The following TIAM1 variants were observed in gnomAD, a reference collection of about 807,000 sequenced individuals.
TIAM1 encodes the protein rho guanine nucleotide exchange factor TIAM1.
In TIAM1, 65 loss-of-function variants were observed where a neutral mutation model predicts 163.5. That is an observed-to-expected ratio of 0.40 (90% CI 0.33 to 0.49). The LOEUF (loss-of-function observed/expected upper bound fraction) is 0.49. Ranked by LOEUF, TIAM1 falls within the 20% of genes least tolerant of loss-of-function variation. TIAM1 has a pLI of 0.77. For missense variants in TIAM1, 1,789 were observed against 2,044.7 expected, an observed-to-expected ratio of 0.87 and a Z score of 2.41; for synonymous variants, 833 against 810.1, an observed-to-expected ratio of 1.03 and a Z score of -0.48.
intron 2 of TIAM1, among the ~76,000 whole-genome samples, chr21:31,327,421 T>C (rs2075526024): frequency 6.6e-6 from 1 of 151,708 alleles, no homozygotes; most frequent in Non-Finnish European, 1.5e-5. Flanking sequence ...GGGCAGATCA[T>C]TTGAGGTCAG....
At chr21:31,222,692 TA>T (rs2087639008) in intron 8 of TIAM1, among the ~76,000 whole-genome samples, 52 of 35,872 alleles carry the variant, frequency 1.4e-3, no homozygotes, top group Non-Finnish European at 2.0e-3. Context: ...TATATATATA[TA>T]TATATATATA....
chr21:31,188,583 T>G (rs919102877), intron 13 of TIAM1, among the ~76,000 whole-genome samples: 1 of 152,190 alleles, frequency 6.6e-6, no homozygotes, highest in Admixed American at 6.5e-5. Flanking sequence ...TTTGTTTGTT[T>G]GTTATTAAAG....
In TIAM1 at chr21:31,538,556, C is replaced by T. The variant is rs1207803298; in HGVS notation, c.-422+20371G>A. ...TATCTGTAAAATGGGGATGATATCACCCCGTTTACAGCAAAGCTCTCCTGC... is the reference window on the plus strand; with the variant it reads ...TATCTGTAAAATGGGGATGATATCATCCCGTTTACAGCAAAGCTCTCCTGC... On this transcript the variant is annotated intron_variant, in intron 1 of 28. Transcript: ENST00000286827. 5.3e-5 allele frequency among the ~76,000 whole-genome samples: 8 copies of T among 152,264 alleles called. No individual in the cohort carries two copies. In the East Asian group the frequency reaches 1.2e-3, roughly 22 times the overall value.
At chr21:31,147,952 A>C (rs748912224) in intron 19 of TIAM1, among the ~76,000 whole-genome samples, 8 of 145,450 alleles carry the variant, frequency 5.5e-5, no homozygotes, top group South Asian at 2.2e-4. Context: ...AGGTTCCCCA[A>C]AGTGCAATTT....
At chr21:31,136,704 A>T (rs2082635129) in intron 22 of TIAM1, among the ~76,000 whole-genome samples, 1 of 152,190 alleles carries the variant, frequency 6.6e-6, no homozygotes, top group South Asian at 2.1e-4. Context: ...GTCAAAACTG[A>T]TCTACAAAAC....
chr21:31,250,166 A>AAG (rs1555905183), intron 5 of TIAM1, among the ~76,000 whole-genome samples: 90 of 147,754 alleles, frequency 6.1e-4, no homozygotes, highest in African/African-American at 2.4e-3. Context: ...AAAAAAAAAA[A>AAG]AAAAAGAAAA....
chr21:31,280,305 AG>A (rs1443437034), intron 2 of TIAM1, among the ~76,000 whole-genome samples: 11 of 152,144 alleles, frequency 7.2e-5, no homozygotes, highest in Admixed American at 2.6e-4. Context: ...CCAATTGGTG[AG>A]TAAGTCTCAT....
intron 2 of TIAM1, among the ~76,000 whole-genome samples, chr21:31,432,443 G>A (rs1026571649): frequency 2.0e-5 from 3 of 152,174 alleles, no homozygotes; most frequent in Non-Finnish European, 2.9e-5. Context: ...CCTCTATAAT[G>A]ATGACAGGCT....
At chr21:31,486,267 T>G (rs1304233978) in intron 1 of TIAM1, among the ~76,000 whole-genome samples, 1 of 152,020 alleles carries the variant, frequency 6.6e-6, no homozygotes, top group Non-Finnish European at 1.5e-5. Flanking sequence ...GGGGAAAAAA[T>G]GAAAACGCTC....
At chr21:31,257,990 C>A (rs1443438545) in intron 4 of TIAM1, among the ~76,000 whole-genome samples, 2 of 150,962 alleles carry the variant, frequency 1.3e-5, no homozygotes, top group African/African-American at 2.4e-5. Flanking sequence ...CCAGCTCCCT[C>A]CTCCCCTCCT....
Position 31,443,195 on chromosome 21 carries a change from G to A in TIAM1, c.-369+20788C>T, listed in dbSNP as rs182537323. Reference sequence around the variant, plus strand: ...TACAAAAGTGCCCAACATGGGACAAGGCCAGGGCTGTTGGACTCCCCAGCT... The same window carrying A: ...TACAAAAGTGCCCAACATGGGACAAAGCCAGGGCTGTTGGACTCCCCAGCT... On this transcript the variant is annotated intron_variant, in intron 2 of 28. Transcript: ENST00000286827. 1.7e-3 allele frequency among the ~76,000 whole-genome samples: 265 copies of A among 152,326 alleles called. 2 individuals are homozygous for A. Among genetic ancestry groups the A allele is most frequent in the Non-Finnish European group, 2.8e-3 (190 of 68,026 alleles).
At chr21:31,362,532 T>A (rs1271686267) in intron 2 of TIAM1, among the ~76,000 whole-genome samples, 2 of 151,700 alleles carry the variant, frequency 1.3e-5, no homozygotes, top group Admixed American at 6.6e-5. Context: ...AGTGGTGCAA[T>A]CTTGGCTCAC....
intron 2 of TIAM1, among the ~76,000 whole-genome samples, chr21:31,463,348 G>A (rs972888296): frequency 2.6e-5 from 4 of 152,022 alleles, no homozygotes; most frequent in African/African-American, 7.3e-5. Flanking sequence ...CACTCCGCCC[G>A]GAGCAAACCC....
chr21:31,392,484 C>T (rs1367238929), intron 2 of TIAM1, among the ~76,000 whole-genome samples: 1 of 149,220 alleles, frequency 6.7e-6, no homozygotes, highest in African/African-American at 2.5e-5. Flanking sequence ...GCAGGAGAAT[C>T]GCTTGAACCC....
intron 1 of TIAM1, among the ~76,000 whole-genome samples, chr21:31,485,432 T>A (rs1431642218): frequency 6.6e-6 from 1 of 152,238 alleles, no homozygotes; most frequent in East Asian, 1.9e-4. Context: ...AAAATTCATG[T>A]GCTCATTCCG....
At chr21:31,510,082 C>T (rs1457233734) in intron 1 of TIAM1, among the ~76,000 whole-genome samples, 1 of 152,144 alleles carries the variant, frequency 6.6e-6, no homozygotes, top group Admixed American at 6.6e-5. Context: ...AGTCCTAACC[C>T]GGGGTACCCG....
chr21:31,497,140 C>T (rs11702338), intron 1 of TIAM1, among the ~76,000 whole-genome samples: 38,268 of 152,060 alleles, frequency 0.25, 5,024 homozygotes, highest in Middle Eastern at 0.32. Context: ...ATCCCCTAGG[C>T]TATCATCCAG....
chr21:31,549,799 ACT>A (rs1303761880), intron 1 of TIAM1, among the ~76,000 whole-genome samples: 2 of 152,156 alleles, frequency 1.3e-5, no homozygotes, highest in Non-Finnish European at 2.9e-5. Flanking sequence ...TGACGTAGCA[ACT>A]CCATTCTTAG....
intron 2 of TIAM1, among the ~76,000 whole-genome samples, chr21:31,288,618 C>T (rs770350803): frequency 6.6e-6 from 1 of 152,136 alleles, no homozygotes; most frequent in Non-Finnish European, 1.5e-5. Flanking sequence ...TACCAACATT[C>T]AGAGCATAGC....
Sources: gnomAD v4.1 joint callset for allele counts (sites outside exome capture counted in the v4.1 genomes callset) on GRCh38, gnomAD v4.1.1 for gene constraint, MANE v1.5 for transcripts, NCBI Gene and HGNC (gene_info 2026-07-23, HGNC 2026-07-21) for gene names.